Variants in PLA2G4D observed in about 807,000 individuals in gnomAD.
PLA2G4D encodes cytosolic phospholipase A2 delta.
Under a neutral mutation model 94.4 loss-of-function variants are expected in PLA2G4D, and 80 were observed. The observed-to-expected ratio is 0.85, with a 90% CI of 0.71 to 1.02. PLA2G4D has a LOEUF of 1.02. Among genes scored for constraint, PLA2G4D ranks in the 50% least tolerant of loss-of-function variants. The probability of loss-of-function intolerance (pLI) is 0.00; values close to 1 mark genes in which losing one functional copy is unlikely to be tolerated. For missense variants in PLA2G4D, 1,050 were observed against 1,034.7 expected, an observed-to-expected ratio of 1.01 and a Z score of -0.20; for synonymous variants, 438 against 440.9, an observed-to-expected ratio of 0.99 and a Z score of 0.08.
chr15:42,071,550 G>T lies in PLA2G4D; in HGVS notation c.1575C>A (p.Ala525=). 6.2e-7 allele frequency: 1 copy of T among 1,611,902 alleles called. No individual in the cohort carries two copies. Among genetic ancestry groups the T allele is most frequent in the Non-Finnish European group, 8.5e-7 (1 of 1,178,422 alleles). ...TCAGGGAGAAAATGTTGCTCCAGAT[G>T]GCTGAGGAACACCAAAAGAGATCAG... ...IPEPRICFLE[A]IWSNIFSLNL... The change falls in exon 16 of 20, where the codon GCC becomes GCA. Residue 525 remains alanine (A), a splice_region_variant and synonymous_variant. Transcript: ENST00000290472.
chr15:42,073,677 G>A (rs577879938), intron 13 of PLA2G4D, among the ~76,000 whole-genome samples: 1 of 152,330 alleles, frequency 6.6e-6, no homozygotes, highest in African/African-American at 2.4e-5. Context: ...AGCATGTGAA[G>A]CATGCGGACT....
chr15:42,079,235 T>C (rs1889984954), intron 13 of PLA2G4D, among the ~76,000 whole-genome samples: 1 of 152,260 alleles, frequency 6.6e-6, no homozygotes, highest in African/African-American at 2.4e-5. Context: ...AATTTCATAT[T>C]GCAGGATAAA....
intron 1 of PLA2G4D, among the ~76,000 whole-genome samples, chr15:42,093,114 G>A (rs927880372): frequency 6.6e-6 from 1 of 152,126 alleles, no homozygotes; most frequent in Admixed American, 6.5e-5. Flanking sequence ...GTCCCGCTCT[G>A]GGGCAGGTTC....
At chr15:42,082,256 C>G (rs756565390) in intron 9 of PLA2G4D, 23 bp downstream of exon 9, 2 of 1,569,586 alleles carry the variant, frequency 1.3e-6, no homozygotes, top group Non-Finnish European at 1.8e-6. Context: ...ACTGGCATTT[C>G]CCATCCAGTT....
At chr15:42,092,777 G>A (rs1890266284) in intron 1 of PLA2G4D, among the ~76,000 whole-genome samples, 1 of 152,214 alleles carries the variant, frequency 6.6e-6, no homozygotes, top group South Asian at 2.1e-4. Flanking sequence ...TTTTGTGAGA[G>A]GCTCTGTGCT....
intron 12 of PLA2G4D, 117 bp downstream of exon 12, chr15:42,080,880 T>A (rs1014331634): frequency 4.1e-5 from 54 of 1,332,352 alleles, no homozygotes; most frequent in Non-Finnish European, 5.3e-5. Flanking sequence ...TTGGCGCCCA[T>A]CAGATCACAA....
At chr15:42,090,792 G>A (rs908292498) in intron 1 of PLA2G4D, among the ~76,000 whole-genome samples, 1 of 152,150 alleles carries the variant, frequency 6.6e-6, no homozygotes, top group Non-Finnish European at 1.5e-5. Context: ...TACAGCCTTC[G>A]CCAGGGAGAT....
At chr15:42,079,071 C>G (rs1889981915) in intron 13 of PLA2G4D, among the ~76,000 whole-genome samples, 1 of 152,164 alleles carries the variant, frequency 6.6e-6, no homozygotes, top group Admixed American at 6.5e-5. Context: ...CTATTCTTAT[C>G]CCCATTGTAC....
Position 42,082,281 on chromosome 15 carries a change from T to A in PLA2G4D, c.781A>T (p.Asn261Tyr). 1 of 1,612,906 alleles carries A rather than the reference T, an allele frequency of 6.2e-7. No individual in the cohort carries two copies. The highest frequency in any genetic ancestry group is 1.7e-5 in the Admixed American group (1 of 59,968). The change falls in exon 9 of 20, where the codon AAT becomes TAT. Residue 261 changes from asparagine to tyrosine, a missense_variant and splice_region_variant. Physicochemically the swap from Asn to Tyr is moderately radical, Grantham distance 143. Coordinates refer to ENST00000290472, the MANE Select transcript of PLA2G4D (RefSeq NM_178034.4). ...KEVTMDVPAPNAPGVRLQLKA... is the reference protein window; with the variant it reads ...KEVTMDVPAPYAPGVRLQLKA... Reference sequence around the variant, plus strand: ...CCCATCCAGTTGAGGCCACTTACATTTGGAGCAGGAACATCCATAGTCACC... The same window carrying A: ...CCCATCCAGTTGAGGCCACTTACATATGGAGCAGGAACATCCATAGTCACC...
chr15:42,081,235 G>A lies in PLA2G4D; in HGVS notation c.958-102C>T, dbSNP rs545300051. 164 of 1,507,564 alleles carry A rather than the reference G, an allele frequency of 1.1e-4. No homozygotes were observed. The African/African-American group carries it at 1.5e-3, about 14-fold the overall frequency. 93.4% of individuals were successfully genotyped at this position (1,507,564 alleles called of 1,614,324 possible). ...GCTCCTTGTCTCCAGGGAAGGGACCGCATAGTTGGGTCCTGATAGAGTCAG... is the reference window on the plus strand; with the variant it reads ...GCTCCTTGTCTCCAGGGAAGGGACCACATAGTTGGGTCCTGATAGAGTCAG... On this transcript the variant is annotated intron_variant, in intron 11 of 19. Coordinates refer to ENST00000290472, the MANE Select transcript of PLA2G4D (RefSeq NM_178034.4).
intron 14 of PLA2G4D, 94 bp from the exon 15 acceptor site, chr15:42,072,005 G>A (rs1038959153): frequency 2.7e-6 from 4 of 1,477,392 alleles, no homozygotes; most frequent in Non-Finnish European, 3.7e-6. Context: ...CCCCCAGCAG[G>A]CCTGAGCCCT....
Position 42,087,400 on chromosome 15 carries a change from G to A in PLA2G4D, c.155C>T (p.Ser52Leu), listed in dbSNP as rs74977904. 2.0e-3 allele frequency: 3,193 copies of A among 1,614,134 alleles called. 86 individuals carry two copies. In the East Asian group the frequency reaches 0.056, roughly 28 times the overall value. The change falls in exon 3 of 20, where the codon TCG becomes TTG. Residue 52 changes from serine (S) to leucine (L), a missense_variant. By Grantham distance (145) the Ser-to-Leu change is moderately radical (BLOSUM62 -2). Coordinates refer to ENST00000290472, the MANE Select transcript of PLA2G4D (RefSeq NM_178034.4). The stretch of plus-strand genomic sequence containing the variant: ...CTTAAACTTCATTCCAGGTGCGGTC[G>A]ACAGCTGTAGGATCACGTAAGGGTC... ...EADPYVILQL[S>L]TAPGMKFKTK...
rs750968652 is a variant in PLA2G4D, at chr15:42,072,389, TCAC to T, written c.1318_1320del (p.Val440del). On this transcript the variant is annotated inframe_deletion and splice_region_variant, in exon 14 of 20. Transcript: ENST00000290472. ...CTCTGTCCTGACAGCTTCTGATCCA[TCAC>T]CTGGGGCCAGAGGGCATCAGGGCCT... 1.2e-6 allele frequency: 2 copies of T among 1,612,344 alleles called. No individual in the cohort carries two copies.
chr15:42,072,311 C>T lies in PLA2G4D; in HGVS notation c.1399G>A (p.Val467Ile). The T allele has an allele frequency of 6.2e-7, 1 of 1,613,940 alleles. No individual in the cohort carries two copies. The highest frequency in any genetic ancestry group is 8.5e-7 in the Non-Finnish European group (1 of 1,179,996). The change falls in exon 14 of 20, where the codon GTC becomes ATC. Residue 467 changes from valine (V) to isoleucine (I), a missense_variant. Physicochemically the swap from Val to Ile is conservative, Grantham distance 29. Coordinates refer to ENST00000290472, the MANE Select transcript of PLA2G4D (RefSeq NM_178034.4). The stretch of plus-strand genomic sequence containing the variant: ...AGTGTCTCCAGATTGTTCTCTTTGA[C>T]ATTGAGGCTCAAGTAGAGGGGCAGA... ...NPLPLYLSLN[V>I]KENNLETLDF...
At chr15:42,093,663 T>C (rs1890285973) in intron 1 of PLA2G4D, among the ~76,000 whole-genome samples, 1 of 152,182 alleles carries the variant, frequency 6.6e-6, no homozygotes, top group Non-Finnish European at 1.5e-5. Flanking sequence ...GCTGAGCCTC[T>C]TCCAGGAGCA....
At position 42,083,220 on chromosome 15, in the gene PLA2G4D, G is replaced by A. The variant is rs1836984644; in HGVS notation, c.650C>T (p.Thr217Ile). Reference protein sequence around the residue: ...FRFHYMAALETELSGRLRSSR... With the variant: ...FRFHYMAALEIELSGRLRSSR... ...CACCCTCAGGCGCCCGCTCAGCTCT[G>A]TCTCTAGGGCTGCCATGTAGTGGAA... The change falls in exon 8 of 20, where the codon ACA (threonine) becomes ATA (isoleucine). Residue 217 changes from threonine (T) to isoleucine (I), a missense_variant. Transcript: ENST00000290472. 18 of 1,614,128 alleles carry A rather than the reference G, an allele frequency of 1.1e-5. No individual in the cohort carries two copies. The highest frequency in any genetic ancestry group is 1.5e-5 in the Non-Finnish European group (18 of 1,179,986).
At chr15:42,094,282 C>A in intron 1 of PLA2G4D, 133 bp downstream of exon 1, 2 of 985,026 alleles carry the variant, frequency 2.0e-6, no homozygotes, top group Non-Finnish European at 1.5e-6. Context: ...CACTCTGCAT[C>A]CCAAATCTCA....
chr15:42,088,299 G>A (rs1233521786), intron 1 of PLA2G4D, among the ~76,000 whole-genome samples: 1 of 152,196 alleles, frequency 6.6e-6, no homozygotes, highest in East Asian at 1.9e-4. Flanking sequence ...TGGGTGAAAG[G>A]CCACTGTGTA....
chr15:42,083,843 A>G, intron 6 of PLA2G4D, 64 bp from the exon 7 acceptor site: 10 of 1,492,708 alleles, frequency 6.7e-6, no homozygotes, highest in Non-Finnish European at 9.3e-6. Context: ...CTTAACCTCA[A>G]CCCTCTGAGA....
Sources: allele counts gnomAD v4.1 joint callset (sites outside exome capture counted in the v4.1 genomes callset), GRCh38; gene constraint gnomAD v4.1.1; transcripts MANE v1.5; gene names NCBI Gene and HGNC (gene_info 2026-07-23, HGNC 2026-07-21).